The following EVPL variants were observed in gnomAD, a reference collection of about 807,000 sequenced individuals.
EVPL encodes envoplakin.
Under a neutral mutation model 129.7 loss-of-function variants are expected in EVPL, and 94 were observed. The ratio of observed to expected loss-of-function variants is 0.72; its 90% CI spans 0.61 to 0.86. The LOEUF (loss-of-function observed/expected upper bound fraction) is 0.86, where lower values mean the gene tolerates loss of function less well. Among genes scored for constraint, EVPL ranks in the 40% least tolerant of loss-of-function variants. EVPL has a pLI of 0.00. For missense variants in EVPL, 2,625 were observed against 2,721.1 expected (o/e 0.96, Z 0.79); for synonymous variants, 1,172 against 1,191.1 (o/e 0.98, Z 0.33).
chr17:76,026,178 A>C (rs2066496907), intron 1 of EVPL, among the ~76,000 whole-genome samples: 1 of 151,878 alleles, frequency 6.6e-6, no homozygotes, highest in South Asian at 2.1e-4. Flanking sequence ...TCCCGGGCTC[A>C]AGTGATCTAC....
At chr17:76,021,605 A>ACGTCCGC in intron 8 of EVPL, 42 bp from the exon 9 acceptor site, 1 of 966,102 alleles carries the variant, frequency 1.0e-6, no homozygotes, top group Non-Finnish European at 1.3e-6. Context: ...CGCCCCCCCC[A>ACGTCCGC]CGTCCGCCCC....
chr17:76,020,733 T>C lies in EVPL; in HGVS notation c.1011+735A>G, dbSNP rs147498504. Among the ~76,000 whole-genome samples, 209 of 152,194 alleles carry C rather than the reference T, an allele frequency of 1.4e-3. 1 individual carries two copies. The highest frequency in any genetic ancestry group is 4.9e-3 in the African/African-American group (202 of 41,518). On this transcript the variant is annotated intron_variant, in intron 9 of 21. Transcript: ENST00000301607. Reference sequence around the variant, plus strand: ...ATTTATTTTGATAGAGATGTATCTATTTGTATAGAGACAGGGTCTTGCTAT... The same window carrying C: ...ATTTATTTTGATAGAGATGTATCTACTTGTATAGAGACAGGGTCTTGCTAT...
chr17:76,023,198 A>G (rs1378290964), intron 4 of EVPL, 94 bp downstream of exon 4: 1 of 1,569,936 alleles, frequency 6.4e-7, no homozygotes, highest in African/African-American at 1.3e-5. Context: ...CCACCCCTAC[A>G]CCCTGACTAT....
In EVPL at chr17:76,015,567, T is replaced by C. The variant is rs1190496282; in HGVS notation, c.1772A>G (p.Glu591Gly). 1 of 1,613,388 alleles carries C rather than the reference T, an allele frequency of 6.2e-7. No homozygotes were observed. Among genetic ancestry groups the C allele is most frequent in the Non-Finnish European group, 8.5e-7 (1 of 1,180,032 alleles). ...CACGGGCCGCGTGGACAGAAACGCC[T>C]CGCACTCCTTCTGGGCTGTCTCCTT... Reference protein sequence around the residue: ...TEKETAQKECEAFLSTRPVGP... With the variant: ...TEKETAQKECGAFLSTRPVGP... Residue 591 changes from glutamate to glycine, a missense_variant, in exon 15 of 22, where the codon GAG (glutamate) becomes GGG (glycine). Coordinates refer to ENST00000301607, the MANE Select transcript of EVPL (RefSeq NM_001988.4).
intron 3 of EVPL, 38 bp from the exon 4 acceptor site, chr17:76,023,456 GGGT>G (rs1394066717): frequency 6.2e-7 from 1 of 1,612,394 alleles, no homozygotes; most frequent in African/African-American, 1.3e-5. Context: ...GGCTGGACCT[GGGT>G]CTTCCCCAGG....
chr17:76,010,156 T>C lies in EVPL; in HGVS notation c.3049A>G (p.Lys1017Glu), dbSNP rs759764673. 13 of 1,613,956 alleles carry C rather than the reference T, an allele frequency of 8.1e-6. No homozygotes were observed. The Admixed American group carries it at 1.7e-4, about 21-fold the overall frequency. ...TCCCTCTCCACCTGGGTGACCTCCT[T>C]GGTCAGCAGATGAGGCTGCATGGTC... ...RKTMQPHLLT[K>E]EVTQVERDPG... The change falls in exon 22 of 22, where the codon AAG (lysine) becomes GAG (glutamate). Residue 1017 changes from lysine to glutamate, a missense_variant. This residue lies in a region of EVPL where 1,453 missense variants were observed against 1,511.8 expected (regional missense o/e 0.96). Transcript: ENST00000301607.
rs762409040 is a variant in EVPL, at chr17:76,014,455, G to A, written c.2344C>T (p.Gln782Ter). 2 of 1,611,638 alleles carry A rather than the reference G, an allele frequency of 1.2e-6. No homozygotes were observed. The highest frequency in any genetic ancestry group is 4.5e-5 in the East Asian group (2 of 44,852). Residue 782 changes from glutamine to a stop codon, truncating the protein, a stop_gained, in exon 18 of 22, where the codon CAG (glutamine) becomes TAG (stop). Transcript: ENST00000301607. LOFTEE classifies it high-confidence loss of function. ...TGCGCCTGCAGCTTGTAGGCGATCTGGCTGGGGCCGTCGCTGGGCCGCACC... is the reference window on the plus strand; with the variant it reads ...TGCGCCTGCAGCTTGTAGGCGATCTAGCTGGGGCCGTCGCTGGGCCGCACC... ...SQVRPSDGPS[Q>*]IAYKLQAQKR...
Position 76,021,950 on chromosome 17 carries a change from G to C in EVPL, c.724C>G (p.Leu242Val). The C allele has an allele frequency of 1.3e-6, 2 of 1,560,734 alleles. No individual in the cohort carries two copies. The highest frequency in any genetic ancestry group is 1.7e-6 in the Non-Finnish European group (2 of 1,160,522). The change falls in exon 7 of 22, where the codon CTG (leucine) becomes GTG (valine). Residue 242 changes from leucine to valine, a missense_variant. This residue lies in a region of EVPL where 1,024 missense variants were observed against 997.5 expected (regional missense o/e 1.03). Transcript: ENST00000301607. ...AGGATGCGGCGCTGCTGCTCAGCCA[G>C]GGCGCTCAGCTGCCGCGTGCAGCCC... is the stretch of plus-strand genomic sequence containing the variant. ...LQGCTRQLSA[L>V]AEQQRRILQQ...
Position 76,022,284 on chromosome 17 carries a change from C to T in EVPL, c.607-57G>A. ...GAGAGGTGGGGTGCAGGGAGACGGCCCCCTAAGATCTGGGCCAGCCATACC... is the reference window on the plus strand; with the variant it reads ...GAGAGGTGGGGTGCAGGGAGACGGCTCCCTAAGATCTGGGCCAGCCATACC... On this transcript the variant is annotated intron_variant, in intron 5 of 21. Coordinates refer to ENST00000301607, the MANE Select transcript of EVPL (RefSeq NM_001988.4). The surrounding 1 kb of genome is among the most constrained non-coding windows in gnomAD (Gnocchi z 5.6). 6.2e-7 allele frequency: 1 copy of T among 1,605,048 alleles called. No individual in the cohort carries two copies. Among genetic ancestry groups the T allele is most frequent in the Non-Finnish European group, 8.5e-7 (1 of 1,176,632 alleles).
At chr17:76,015,723 A>G (rs377762710) in intron 14 of EVPL, 95 bp from the exon 15 acceptor site, 3 of 1,320,900 alleles carry the variant, frequency 2.3e-6, no homozygotes, top group East Asian at 2.5e-5. Flanking sequence ...GAGGCAGTAG[A>G]GTGTGGTGGG....
chr17:76,014,931 T>A lies in EVPL; in HGVS notation c.2207A>T (p.Asp736Val). The change falls in exon 17 of 22, where the codon GAC (aspartate) becomes GTC (valine). Residue 736 changes from aspartate (D) to valine (V), a missense_variant. Physicochemically the swap from Asp to Val is radical, Grantham distance 152. Coordinates refer to ENST00000301607, the MANE Select transcript of EVPL (RefSeq NM_001988.4). The stretch of plus-strand genomic sequence containing the variant: ...AGTCGCTCACCGCAGGTCCAGCTGG[T>A]CCCCTACGGCGTGGTAGCGGTCGGT... Reference protein sequence around the residue: ...ALTDRYHAVGDQLDLREKVVQ... With the variant: ...ALTDRYHAVGVQLDLREKVVQ... 2 of 1,585,826 alleles carry A rather than the reference T, an allele frequency of 1.3e-6. No homozygotes were observed. The highest frequency in any genetic ancestry group is 1.7e-6 in the Non-Finnish European group (2 of 1,165,350).
rs748171876 is a variant in EVPL, at chr17:76,010,247, C to A, written c.2958G>T (p.Arg986=). 1.4e-5 allele frequency: 23 copies of A among 1,614,026 alleles called. No homozygotes were observed. Among genetic ancestry groups the A allele is most frequent in the Non-Finnish European group, 1.9e-5 (22 of 1,180,038 alleles). Residue 986 remains arginine, a synonymous_variant, in exon 22 of 22, where the codon CGG becomes CGT. Transcript: ENST00000301607. ...KAQVEEEGKR[R]AGLQADLEVA... The stretch of plus-strand genomic sequence containing the variant: ...CTTCCAGGTCTGCCTGCAGGCCAGC[C>A]CGCCGCTTGCCCTCCTCCTCCACCT...
rs755483105 is a variant in EVPL at position 76,007,883 on chromosome 17, G to A, written c.5322C>T (p.Ser1774=). 1.4e-5 allele frequency: 22 copies of A among 1,613,980 alleles called. No individual in the cohort carries two copies. In the South Asian group the frequency reaches 1.4e-4, roughly 10 times the overall value. The part of the protein sequence containing the change: ...HLYKDGHLPI[S]EFALLVAGET... ...CCCCAGCTACAAGCAGCGCAAACTC[G>A]GAGATGGGCAGGTGGCCGTCCTTGT... The change falls in exon 22 of 22, where the codon TCC becomes TCT. Residue 1774 remains serine, a synonymous_variant. Coordinates refer to ENST00000301607, the MANE Select transcript of EVPL (RefSeq NM_001988.4). The surrounding 1 kb of genome is among the most constrained non-coding windows in gnomAD (Gnocchi z 8.8).
Position 76,021,709 on chromosome 17 carries a change from C to A in EVPL, c.880G>T (p.Val294Leu). Residue 294 changes from valine (V) to leucine (L), a missense_variant, in exon 8 of 22, where the codon GTG (valine) becomes TTG (leucine). Val to Leu is a conservative substitution (Grantham distance 32). Around this residue, in one of 4 missense-constraint regions of EVPL, gnomAD observed 1,024 missense variants for 997.5 expected, o/e 1.03. Coordinates refer to ENST00000301607, the MANE Select transcript of EVPL (RefSeq NM_001988.4). The stretch of plus-strand genomic sequence containing the variant: ...CCCACCGCGGGGTGCCGCAGCTCCA[C>A]CATGCGCTCGCCGTCGTCCTCCAGC... ...NQLEDDGERMVELRHPAVGPI... is the reference protein window; with the variant it reads ...NQLEDDGERMLELRHPAVGPI... 2 of 1,610,622 alleles carry A rather than the reference C, an allele frequency of 1.2e-6. No homozygotes were observed. The highest frequency in any genetic ancestry group is 2.2e-5 in the South Asian group (2 of 90,908).
rs755879766 is a variant in EVPL at position 76,015,481 on chromosome 17, C to T, written c.1858G>A (p.Val620Met). ...LNSVKNKFSD[V>M]QVLCSLYGEK... The stretch of plus-strand genomic sequence containing the variant: ...CCGTAGAGGCTGCACAGAACCTGCA[C>T]GTCACTGAACTTGTTCTTCACGCTG... Residue 620 changes from valine (V) to methionine (M), a missense_variant, in exon 15 of 22, where the codon GTG becomes ATG. Val to Met is a conservative substitution (Grantham distance 21, BLOSUM62 1). This residue lies in a region of EVPL where 1,024 missense variants were observed against 997.5 expected (regional missense o/e 1.03). Coordinates refer to ENST00000301607, the MANE Select transcript of EVPL (RefSeq NM_001988.4). 7.4e-6 allele frequency: 12 copies of T among 1,613,162 alleles called. No homozygotes were observed. The highest frequency in any genetic ancestry group is 6.7e-5 in the Admixed American group (4 of 60,010).
Position 76,022,133 on chromosome 17 carries a change from G to T in EVPL, c.645+56C>A. 4 of 1,602,846 alleles carry T rather than the reference G, an allele frequency of 2.5e-6. No individual in the cohort carries two copies. In the South Asian group the frequency reaches 3.3e-5, roughly 13 times the overall value. The stretch of plus-strand genomic sequence containing the variant: ...GGAACACTGGCCCCGGGCAGGGTCC[G>T]GGCGGCCACCCAGGCCCACCCGCAG... On this transcript the variant is annotated intron_variant, in intron 6 of 21. Transcript: ENST00000301607. The surrounding 1 kb of genome is among the most constrained non-coding windows in gnomAD (Gnocchi z 5.6).
Position 76,015,319 on chromosome 17 carries a change from T to C in EVPL, c.1936A>G (p.Arg646Gly), listed in dbSNP as rs1410613796. ...GTGGCCTCGAAGCCTCGGATGACCCTGTCCGCATCCTGGATCTGCCGCTCC... is the reference window on the plus strand; with the variant it reads ...GTGGCCTCGAAGCCTCGGATGACCCCGTCCGCATCCTGGATCTGCCGCTCC... ...DLERQIQDAD[R>G]VIRGFEATLV... Residue 646 changes from arginine (R) to glycine (G), a missense_variant, in exon 16 of 22, where the codon AGG becomes GGG. Coordinates refer to ENST00000301607, the MANE Select transcript of EVPL (RefSeq NM_001988.4). 4 of 1,603,636 alleles carry C rather than the reference T, an allele frequency of 2.5e-6. No homozygotes were observed. Among genetic ancestry groups the C allele is most frequent in the Non-Finnish European group, 2.5e-6 (3 of 1,179,140 alleles).
In EVPL at chr17:76,006,915, C is replaced by T; in HGVS notation, c.*188G>A. 1.9e-6 allele frequency: 1 copy of T among 539,996 alleles called. No individual in the cohort carries two copies. Among genetic ancestry groups the T allele is most frequent in the Non-Finnish European group, 2.9e-6 (1 of 350,324 alleles). The allele number at this position is 539,996 out of a possible 1,614,324, so 33.5% of individuals were successfully genotyped here. A position where few individuals can be genotyped will look rare whatever the true frequency, so the allele number is the denominator to read the frequency against. ...GGAGGAAGAACTGAGTGGCTGCTGT[C>T]CTGGTCTGGGGATGGATCAGGCACC... is the stretch of plus-strand genomic sequence containing the variant. On this transcript the variant is annotated 3_prime_UTR_variant, in exon 22 of 22. Coordinates refer to ENST00000301607, the MANE Select transcript of EVPL (RefSeq NM_001988.4).
In EVPL at chr17:76,015,456, C is replaced by T. The variant is rs138918422; in HGVS notation, c.1883G>A (p.Gly628Glu). 166 of 1,612,616 alleles carry T rather than the reference C, an allele frequency of 1.0e-4. No individual in the cohort carries two copies. The highest frequency in any genetic ancestry group is 1.4e-4 in the Non-Finnish European group (162 of 1,179,594). ...CTGTCCCCAGAGCACTCACTTCTCC[C>T]CGTAGAGGCTGCACAGAACCTGCAC... ...SDVQVLCSLY[G>E]EKAKAALDLE... is the part of the protein sequence containing the mutation. Residue 628 changes from glycine (G) to glutamate (E), a missense_variant, in exon 15 of 22, where the codon GGG becomes GAG. Around this residue, in one of 4 missense-constraint regions of EVPL, gnomAD observed 1,024 missense variants for 997.5 expected, o/e 1.03. Coordinates refer to ENST00000301607, the MANE Select transcript of EVPL (RefSeq NM_001988.4).
Sources: allele counts gnomAD v4.1 joint callset (sites outside exome capture counted in the v4.1 genomes callset), GRCh38; gene constraint gnomAD v4.1.1; regional missense constraint gnomAD v4.1.1; non-coding constraint Gnocchi (gnomAD v3.1); transcripts MANE v1.5; gene names NCBI Gene and HGNC (gene_info 2026-07-23, HGNC 2026-07-21).